Variants in CLVS1 observed in about 807,000 individuals in gnomAD.
CLVS1 encodes the protein clavesin-1.
In CLVS1, 10 loss-of-function variants were observed where a neutral mutation model predicts 33.1. That is an observed-to-expected ratio of 0.30 (90% CI 0.19 to 0.51). The LOEUF (loss-of-function observed/expected upper bound fraction) is 0.51, where lower values mean the gene tolerates loss of function less well. CLVS1 is among the 20% of genes least tolerant of loss of function. CLVS1 has a pLI of 0.97. For missense variants in CLVS1, 343 were observed against 433.4 expected (o/e 0.79, Z 1.85); for synonymous variants, 163 against 166.1 (o/e 0.98, Z 0.14).
intron 2 of CLVS1, among the ~76,000 whole-genome samples, chr8:61,344,685 G>T (rs1426284907): frequency 1.3e-5 from 2 of 152,140 alleles, no homozygotes; most frequent in African/African-American, 4.8e-5. Flanking sequence ...ATATAATGGG[G>T]TACTTCATAA....
chr8:61,272,902 T>G (rs571308841), intron 2 of CLVS1, among the ~76,000 whole-genome samples: 4 of 151,148 alleles, frequency 2.6e-5, no homozygotes, highest in East Asian at 3.9e-4. Flanking sequence ...CTTCTAAATT[T>G]TTTTCAAAGT....
chr8:61,473,431 G>A (rs573558346), intron 5 of CLVS1, among the ~76,000 whole-genome samples: 2 of 151,832 alleles, frequency 1.3e-5, no homozygotes, highest in African/African-American at 4.8e-5. Context: ...GGGGCCCACC[G>A]TGCAGAGCTG....
intron 3 of CLVS1, among the ~76,000 whole-genome samples, chr8:61,448,771 C>T (rs139429720): frequency 3.5e-4 from 53 of 151,424 alleles, no homozygotes; most frequent in African/African-American, 1.1e-3. Context: ...GCTATCAATT[C>T]CTATTTCCTT....
At chr8:61,230,385 A>C (rs1334475367) in intron 2 of CLVS1, among the ~76,000 whole-genome samples, 13 of 152,184 alleles carry the variant, frequency 8.5e-5, no homozygotes, top group Admixed American at 8.5e-4. Context: ...GCCCGTGACT[A>C]ACCTCTCTGA....
intron 2 of CLVS1, among the ~76,000 whole-genome samples, chr8:61,306,865 C>T (rs943471027): frequency 6.6e-6 from 1 of 152,158 alleles, no homozygotes; most frequent in African/African-American, 2.4e-5. Context: ...AGGTTTCCTC[C>T]AACTAGAAAA....
intron 5 of CLVS1, among the ~76,000 whole-genome samples, chr8:61,486,118 T>A (rs1272731758): frequency 6.6e-6 from 1 of 151,456 alleles, no homozygotes; most frequent in South Asian, 2.1e-4. Context: ...AATAAATAAA[T>A]AAATAAATAA....
chr8:61,182,240 C>G (rs1032879776), intron 2 of CLVS1, among the ~76,000 whole-genome samples: 2 of 152,012 alleles, frequency 1.3e-5, no homozygotes, highest in Non-Finnish European at 2.9e-5. Flanking sequence ...AGAAGAAAAC[C>G]CAGGCAATAC....
intron 2 of CLVS1, among the ~76,000 whole-genome samples, chr8:61,345,523 T>C (rs1177870264): frequency 6.6e-6 from 1 of 152,122 alleles, no homozygotes; most frequent in Non-Finnish European, 1.5e-5. Flanking sequence ...TTAAAAGTCC[T>C]GGCTGAGAAA....
At chr8:61,200,137 A>T (rs1279637542) in intron 2 of CLVS1, among the ~76,000 whole-genome samples, 1 of 152,166 alleles carries the variant, frequency 6.6e-6, no homozygotes, top group Non-Finnish European at 1.5e-5. Context: ...TTATTTTTTG[A>T]GATGGAGTTT....
At chr8:61,438,646 C>T (rs1194503063) in intron 3 of CLVS1, among the ~76,000 whole-genome samples, 1 of 152,190 alleles carries the variant, frequency 6.6e-6, no homozygotes, top group Non-Finnish European at 1.5e-5. Context: ...TTCCCACCAA[C>T]TGGGTAAAAG....
At chr8:61,242,556 G>A (rs1001682317) in intron 2 of CLVS1, among the ~76,000 whole-genome samples, 1 of 152,140 alleles carries the variant, frequency 6.6e-6, no homozygotes, top group African/African-American at 2.4e-5. Flanking sequence ...CTGGAAGGCC[G>A]AGGCGGGAGG....
rs1362730057 is a variant in CLVS1 at position 61,288,130 on chromosome 8, C to A, written c.-160C>A. On this transcript the variant is annotated 5_prime_UTR_variant, in exon 1 of 6. Transcript: ENST00000325897. Reference sequence around the variant, plus strand: ...CATTCCCAAAGCAAGGCTGGGCGGCCGTGTGAAGGTATTTGTTACCTTTTT... The same window carrying A: ...CATTCCCAAAGCAAGGCTGGGCGGCAGTGTGAAGGTATTTGTTACCTTTTT... The A allele has an allele frequency of 4.4e-6, 2 of 456,148 alleles. No individual in the cohort carries two copies. The highest frequency in any genetic ancestry group is 6.9e-5 in the East Asian group (1 of 14,416). 28.3% of individuals were successfully genotyped at this position (456,148 alleles called of 1,614,324 possible). A position where few individuals can be genotyped will look rare whatever the true frequency, so the allele number is the denominator to read the frequency against.
chr8:61,023,953 C>T, the CLVS1 span, among the ~76,000 whole-genome samples: 18 of 152,248 alleles, frequency 1.2e-4, no homozygotes, highest in South Asian at 2.1e-3. Flanking sequence ...GGTGGTGTTC[C>T]GCGCCTCCCG....
intron 2 of CLVS1, among the ~76,000 whole-genome samples, chr8:61,248,534 T>TG (rs1554549992): frequency 7.2e-5 from 11 of 152,062 alleles, no homozygotes; most frequent in Admixed American, 7.2e-4. Flanking sequence ...CTAGTTTTTT[T>TG]TGTGTGTGTG....
At chr8:61,417,345 T>A (rs1815477184) in intron 3 of CLVS1, among the ~76,000 whole-genome samples, 2 of 152,226 alleles carry the variant, frequency 1.3e-5, no homozygotes, top group African/African-American at 4.8e-5. Context: ...GAATCTATGC[T>A]ATATTTTTTT....
At chr8:61,359,391 C>T (rs62524924) in intron 2 of CLVS1, among the ~76,000 whole-genome samples, 39,193 of 151,586 alleles carry the variant, frequency 0.26, 6,383 homozygotes, top group Non-Finnish European at 0.35. Context: ...AGTCTTGCTG[C>T]GACCCCCAGG....
intron 1 of CLVS1, among the ~76,000 whole-genome samples, chr8:61,113,634 G>A (rs1805667830): frequency 6.6e-6 from 1 of 152,182 alleles, no homozygotes; most frequent in Non-Finnish European, 1.5e-5. Flanking sequence ...AGTTTTTCAA[G>A]AATGCAAGTT....
chr8:61,182,526 T>C (rs982126173), intron 2 of CLVS1, among the ~76,000 whole-genome samples: 1 of 152,000 alleles, frequency 6.6e-6, no homozygotes. Context: ...GCAAAGAATA[T>C]GAACAGACTC....
intron 1 of CLVS1, among the ~76,000 whole-genome samples, chr8:61,087,940 G>T (rs927646605): frequency 6.6e-6 from 1 of 152,102 alleles, no homozygotes; most frequent in Non-Finnish European, 1.5e-5. Flanking sequence ...CCTATCTTTT[G>T]TCCTGCTCCC....
Sources: gnomAD v4.1 joint callset for allele counts (sites outside exome capture counted in the v4.1 genomes callset) on GRCh38, gnomAD v4.1.1 for gene constraint, MANE v1.5 for transcripts, NCBI Gene and HGNC (gene_info 2026-07-23, HGNC 2026-07-21) for gene names.